Variants in SUN1 observed in about 807,000 individuals in gnomAD.
SUN1 encodes Sad1 and UNC84 domain containing 1.
A neutral mutation model predicts 103.2 loss-of-function variants in SUN1; 61 were observed. The ratio of observed to expected loss-of-function variants is 0.59; its 90% CI spans 0.48 to 0.73. SUN1 has a LOEUF of 0.73. SUN1 is among the 30% of genes least tolerant of loss of function. SUN1 has a pLI of 0.00. For synonymous variants in SUN1, 490 were observed against 425.7 expected (o/e 1.15, Z -1.86); for missense variants, 1,052 against 1,034.6 (o/e 1.02, Z -0.23).
At chr7:835,808 A>T (rs1455457532) in intron 1 of SUN1, among the ~76,000 whole-genome samples, 1 of 152,184 alleles carries the variant, frequency 6.6e-6, no homozygotes, top group African/African-American at 2.4e-5. Flanking sequence ...TCAGAGGAGG[A>T]TGTTTCCCGG....
intron 5 of SUN1, chr7:849,993 C>T (rs751056594): frequency 7.5e-6 from 12 of 1,600,998 alleles, no homozygotes; most frequent in African/African-American, 2.7e-5. Context: ...CACGGCTGCC[C>T]GGTCGGGCAG....
chr7:867,587 C>T (rs1838023468), intron 16 of SUN1, among the ~76,000 whole-genome samples: 1 of 152,184 alleles, frequency 6.6e-6, no homozygotes, highest in Non-Finnish European at 1.5e-5. Flanking sequence ...CTCAGCCCTC[C>T]CCTGGCACAG....
intron 16 of SUN1, 138 bp downstream of exon 16, chr7:866,205 G>A (rs898572972): frequency 3.6e-5 from 26 of 729,918 alleles, no homozygotes; most frequent in African/African-American, 1.6e-4. Flanking sequence ...AAGTGGCAGC[G>A]TTCCCACACC....
intron 16 of SUN1, among the ~76,000 whole-genome samples, chr7:866,585 A>C (rs1431940893): frequency 3.4e-5 from 2 of 59,336 alleles, no homozygotes; most frequent in South Asian, 8.3e-4. Context: ...CTGTCTCCCC[A>C]CCATCTCCCC....
At chr7:822,172 T>G (rs1250826958) in intron 1 of SUN1, among the ~76,000 whole-genome samples, 1 of 152,262 alleles carries the variant, frequency 6.6e-6, no homozygotes, top group Non-Finnish European at 1.5e-5. Context: ...TTGCTTCTTA[T>G]AATACACTGT....
intron 6 of SUN1, 137 bp from the exon 7 acceptor site, chr7:851,813 G>T (rs952589641): frequency 2.4e-6 from 2 of 832,222 alleles, no homozygotes; most frequent in South Asian, 3.3e-5. Context: ...CTGCCGTGGC[G>T]ACTAGCATCA....
intron 1 of SUN1, among the ~76,000 whole-genome samples, chr7:824,958 G>T (rs531193165): frequency 6.6e-5 from 10 of 152,188 alleles, no homozygotes; most frequent in Non-Finnish European, 1.3e-4. Context: ...CACAGCTAAG[G>T]CAGTGGGAGA....
intron 13 of SUN1, 55 bp from the exon 14 acceptor site, chr7:860,073 A>T (rs12700166): frequency 6.3e-7 from 1 of 1,593,232 alleles, no homozygotes; most frequent in Admixed American, 1.7e-5. Context: ...GGACCCGAAC[A>T]GTGGAAGTGA....
intron 1 of SUN1, among the ~76,000 whole-genome samples, chr7:820,704 TGA>T (rs1217688111): frequency 6.6e-6 from 1 of 152,240 alleles, no homozygotes; most frequent in Non-Finnish European, 1.5e-5. Context: ...CTTTATCATG[TGA>T]GGAAGTTCCC....
chr7:841,948 C>G lies in SUN1; in HGVS notation c.269C>G (p.Thr90Arg), dbSNP rs1350232664. ...TTGCTGTTTTTTTTTCTTCTTAGAA[C>G]AACAAAACAGCGCAGAAGCACAAAC... ...AVSLKNRAAR[T>R]TKQRRSTNKS... is the part of the protein sequence containing the mutation. The change falls in exon 3 of 19, where the codon ACA (threonine) becomes AGA (arginine). Residue 90 changes from threonine to arginine, a missense_variant and splice_region_variant. Transcript: ENST00000401592. The G allele has an allele frequency of 6.2e-7, 1 of 1,613,534 alleles. No homozygotes were observed. Among genetic ancestry groups the G allele is most frequent in the African/African-American group, 1.3e-5 (1 of 74,786 alleles).
At chr7:864,091 C>A (rs1297155311) in intron 15 of SUN1, among the ~76,000 whole-genome samples, 1 of 152,082 alleles carries the variant, frequency 6.6e-6, no homozygotes, top group Non-Finnish European at 1.5e-5. Flanking sequence ...AACTAATTAT[C>A]TATTTTTTAA....
At chr7:846,223 C>G (rs921726558) in intron 5 of SUN1, among the ~76,000 whole-genome samples, 6 of 151,998 alleles carry the variant, frequency 3.9e-5, no homozygotes, top group African/African-American at 1.4e-4. Flanking sequence ...ATTCTCCTGC[C>G]TCAGCCTCCT....
chr7:824,288 C>T (rs1207004057), intron 1 of SUN1, among the ~76,000 whole-genome samples: 2 of 152,210 alleles, frequency 1.3e-5, no homozygotes, highest in Non-Finnish European at 2.9e-5. Flanking sequence ...GCTGTGTGAG[C>T]CTCTGGGTCC....
intron 5 of SUN1, among the ~76,000 whole-genome samples, chr7:847,603 A>G (rs9768329): frequency 3.1e-5 from 1 of 32,250 alleles, no homozygotes; most frequent in African/African-American, 1.3e-4. Context: ...CGGAGTTGGC[A>G]GCCTTCCCCT....
chr7:828,343 C>A (rs900793624), upstream of SUN1, among the ~76,000 whole-genome samples: 1 of 151,996 alleles, frequency 6.6e-6, no homozygotes, highest in Non-Finnish European at 1.5e-5. Context: ...GCTGTGTTGG[C>A]TCACTGCAAC....
rs1823570802 is a variant in SUN1, at chr7:852,862, G to A, written c.963G>A (p.Leu321=). Residue 321 remains leucine (L), a synonymous_variant, in exon 9 of 19, where the codon TTG becomes TTA. Transcript: ENST00000401592. ...ATTTCTTTTCGTTCTTGCCCGTGTT[G>A]AACTGGGCAAGCATGCATAGAACAC... ...QGNFFSFLPV[L]NWASMHRTQR... 1.2e-6 allele frequency: 2 copies of A among 1,613,976 alleles called. No homozygotes were observed. The highest frequency in any genetic ancestry group is 1.7e-6 in the Non-Finnish European group (2 of 1,179,938).
At chr7:824,880 G>A (rs924784089) in intron 1 of SUN1, among the ~76,000 whole-genome samples, 2 of 152,148 alleles carry the variant, frequency 1.3e-5, no homozygotes, top group African/African-American at 4.8e-5. Flanking sequence ...GCGTCCGCTG[G>A]CTGGGTGCTC....
chr7:831,477 AG>A (rs1217547176), upstream of SUN1, among the ~76,000 whole-genome samples: 26 of 152,012 alleles, frequency 1.7e-4, no homozygotes, highest in Non-Finnish European at 3.4e-4. Flanking sequence ...TCACCGTGTT[AG>A]CGAGGATGGT....
At chr7:861,261 A>G in intron 14 of SUN1, 119 bp from the exon 15 acceptor site, 6 of 979,800 alleles carry the variant, frequency 6.1e-6, no homozygotes, top group Non-Finnish European at 9.5e-6. Context: ...GGAACCCTAC[A>G]TAGTTTCCGT....
Sources: gnomAD v4.1 joint callset for allele counts (sites outside exome capture counted in the v4.1 genomes callset) on GRCh38, gnomAD v4.1.1 for gene constraint, MANE v1.5 for transcripts, NCBI Gene and HGNC (gene_info 2026-07-23, HGNC 2026-07-21) for gene names.